ADGRL3: variants seen among roughly 807,000 people sequenced by gnomAD.
ADGRL3 encodes calcium-independent alpha-latrotoxin receptor 3.
In ADGRL3, 62 loss-of-function variants were observed where a neutral mutation model predicts 153.5. The ratio of observed to expected loss-of-function variants is 0.40; its 90% CI spans 0.33 to 0.50. The LOEUF (loss-of-function observed/expected upper bound fraction) is 0.50, where lower values mean the gene tolerates loss of function less well. Among genes scored for constraint, ADGRL3 ranks in the 20% least tolerant of loss-of-function variants. The probability of loss-of-function intolerance (pLI) is 0.47; values close to 1 mark genes in which losing one functional copy is unlikely to be tolerated. For synonymous variants in ADGRL3, 710 were observed against 672.5 expected (o/e 1.06, Z -0.86); for missense variants, 1,641 against 1,859.4 (o/e 0.88, Z 2.16).
At chr4:61,928,007 G>A (rs1305612556) in intron 13 of ADGRL3, among the ~76,000 whole-genome samples, 1 of 150,624 alleles carries the variant, frequency 6.6e-6, no homozygotes, top group African/African-American at 2.4e-5. Context: ...TAGATGTGAA[G>A]AAAAATGTTT....
At chr4:61,430,200 A>G (rs775738837) in intron 2 of ADGRL3, among the ~76,000 whole-genome samples, 36 of 152,274 alleles carry the variant, frequency 2.4e-4, no homozygotes, top group Admixed American at 5.2e-4. Flanking sequence ...AATATCCTAT[A>G]TGGCTACATA....
chr4:62,070,659 T>C lies in ADGRL3; in HGVS notation c.4383T>C (p.Gly1461=), dbSNP rs200294573. Residue 1461 remains glycine, a synonymous_variant, in exon 27 of 27, where the codon GGT becomes GGC. Coordinates refer to ENST00000683033, the MANE Select transcript of ADGRL3 (RefSeq NM_001387552.1). Reference sequence around the variant, plus strand: ...ATACCAGCATGCCGACACTGGCTGGTGTGGCCGCCACAGAGAGTGTTACCA... The same window carrying C: ...ATACCAGCATGCCGACACTGGCTGGCGTGGCCGCCACAGAGAGTGTTACCA... ...SLYTSMPTLA[G]VAATESVTTS... The C allele has an allele frequency of 6.4e-7, 1 of 1,550,964 alleles. No individual in the cohort carries two copies. Among genetic ancestry groups the C allele is most frequent in the East Asian group, 2.4e-5 (1 of 40,902 alleles).
intron 9 of ADGRL3, among the ~76,000 whole-genome samples, chr4:61,865,960 T>C (rs1240046482): frequency 1.3e-5 from 2 of 152,346 alleles, no homozygotes; most frequent in South Asian, 2.1e-4. Context: ...TATTACCCCA[T>C]TGAGGAAAGT....
intron 2 of ADGRL3, among the ~76,000 whole-genome samples, chr4:61,468,838 C>T (rs1008823386): frequency 6.6e-6 from 1 of 152,048 alleles, no homozygotes; most frequent in African/African-American, 2.4e-5. Context: ...TTAGTTTTAT[C>T]GATATAACCA....
chr4:62,067,705 G>A (rs1348852399), intron 25 of ADGRL3, among the ~76,000 whole-genome samples: 5 of 152,026 alleles, frequency 3.3e-5, no homozygotes, highest in Non-Finnish European at 7.4e-5. Flanking sequence ...GTTTCTCTCT[G>A]TATAAAAGCT....
rs142336364 is a variant in ADGRL3 at position 61,786,404 on chromosome 4, G to A, written c.1400-27405G>A. Among the ~76,000 whole-genome samples the A allele has an allele frequency of 1.3e-3, 198 of 152,280 alleles. 1 individual carries two copies. The highest frequency in any genetic ancestry group is 4.6e-3 in the African/African-American group (191 of 41,580). ...GTAACATATGACTCTTGCCAAAAAT[G>A]AACACCTTCCCACTGGGGACAGACT... On this transcript the variant is annotated intron_variant, in intron 8 of 26. Coordinates refer to ENST00000683033, the MANE Select transcript of ADGRL3 (RefSeq NM_001387552.1).
intron 9 of ADGRL3, among the ~76,000 whole-genome samples, 166 bp downstream of exon 9, chr4:61,814,055 A>G (rs2097660926): frequency 6.6e-6 from 1 of 152,178 alleles, no homozygotes; most frequent in Non-Finnish European, 1.5e-5. Flanking sequence ...TATAAACAAA[A>G]ATGTGAAATA....
chr4:61,642,499 T>TA (rs772564596), intron 5 of ADGRL3, among the ~76,000 whole-genome samples: 149 of 152,318 alleles, frequency 9.8e-4, no homozygotes, highest in Non-Finnish European at 2.0e-3. Flanking sequence ...TTCAGCTTTC[T>TA]ACATGTGGCT....
chr4:62,021,021 C>T (rs1470464876), intron 21 of ADGRL3, among the ~76,000 whole-genome samples: 1 of 151,906 alleles, frequency 6.6e-6, no homozygotes, highest in Non-Finnish European at 1.5e-5. Flanking sequence ...TAAAGATCAA[C>T]TCAGAGACAG....
At chr4:61,744,900 G>C (rs192275264) in intron 8 of ADGRL3, among the ~76,000 whole-genome samples, 1 of 152,176 alleles carries the variant, frequency 6.6e-6, no homozygotes, top group Non-Finnish European at 1.5e-5. Context: ...GAAGCCTTCA[G>C]ACGATCAAAC....
intron 2 of ADGRL3, among the ~76,000 whole-genome samples, chr4:61,396,976 T>G (rs2096875596): frequency 6.6e-6 from 1 of 151,110 alleles, no homozygotes; most frequent in Non-Finnish European, 1.5e-5. Context: ...TTATTATTCC[T>G]GCTGAATGAG....
chr4:61,836,661 T>A (rs1309991156), intron 9 of ADGRL3, among the ~76,000 whole-genome samples: 1 of 152,122 alleles, frequency 6.6e-6, no homozygotes, highest in Non-Finnish European at 1.5e-5. Flanking sequence ...ACGTTATTCA[T>A]GAATACTTAT....
At chr4:62,027,619 C>T (rs950340312) in intron 21 of ADGRL3, among the ~76,000 whole-genome samples, 1 of 151,850 alleles carries the variant, frequency 6.6e-6, no homozygotes, top group Non-Finnish European at 1.5e-5. Context: ...TTTACTTACT[C>T]AACATTTATG....
chr4:61,456,429 CTATA>C (rs779293435), intron 2 of ADGRL3, among the ~76,000 whole-genome samples: 568 of 34,260 alleles, frequency 0.017, 26 homozygotes, highest in Middle Eastern at 0.047. Flanking sequence ...ATATCTATAT[CTATA>C]TATATAGATA....
At chr4:62,008,835 G>T (rs2099170629) in intron 21 of ADGRL3, among the ~76,000 whole-genome samples, 1 of 151,960 alleles carries the variant, frequency 6.6e-6, no homozygotes. Context: ...TGACATTTTA[G>T]TGAATGACAA....
At chr4:61,526,772 A>G (rs934911989) in intron 4 of ADGRL3, among the ~76,000 whole-genome samples, 1 of 152,150 alleles carries the variant, frequency 6.6e-6, no homozygotes, top group African/African-American at 2.4e-5. Flanking sequence ...TCAAAAAATA[A>G]ATAAATACAT....
At chr4:61,856,770 G>C (rs2098272555) in intron 9 of ADGRL3, among the ~76,000 whole-genome samples, 2 of 151,092 alleles carry the variant, frequency 1.3e-5, no homozygotes, top group South Asian at 4.2e-4. Flanking sequence ...ACATATGGCT[G>C]GTTTTTGTAT....
At chr4:61,939,875 G>A (rs1231887254) in intron 15 of ADGRL3, among the ~76,000 whole-genome samples, 2 of 151,808 alleles carry the variant, frequency 1.3e-5, no homozygotes, top group East Asian at 3.9e-4. Context: ...CACTGATGAT[G>A]TTCCACGTAT....
intron 1 of ADGRL3, among the ~76,000 whole-genome samples, chr4:61,307,747 G>T (rs140277889): frequency 7.9e-5 from 12 of 152,234 alleles, no homozygotes; most frequent in South Asian, 2.1e-4. Context: ...CCAATGTGAG[G>T]TGCATTTAAG....
Sources: allele counts gnomAD v4.1 joint callset (sites outside exome capture counted in the v4.1 genomes callset), GRCh38; gene constraint gnomAD v4.1.1; transcripts MANE v1.5; gene names NCBI Gene and HGNC (gene_info 2026-07-23, HGNC 2026-07-21).